Variants in TARDBP observed in about 807,000 individuals in gnomAD.
TARDBP encodes TAR DNA binding protein.
Under a neutral mutation model 38.3 loss-of-function variants are expected in TARDBP, and 4 were observed. The observed-to-expected ratio is 0.10, with a 90% CI of 0.05 to 0.24. TARDBP has a LOEUF of 0.24. TARDBP is among the 10% of genes least tolerant of loss of function. TARDBP has a pLI of 1.00. For synonymous variants in TARDBP, 184 were observed against 183.8 expected (o/e 1.00, Z -0.01); for missense variants, 202 against 521.9 (o/e 0.39, Z 5.97).
Position 11,023,212 on chromosome 1 carries a change from T to A in TARDBP, c.*558T>A, listed in dbSNP as rs1327849117. The A allele has an allele frequency of 2.6e-6, 4 of 1,550,500 alleles. No individual in the cohort carries two copies. The highest frequency in any genetic ancestry group is 3.5e-6 in the Non-Finnish European group (4 of 1,146,834). On this transcript the variant is annotated 3_prime_UTR_variant, in exon 6 of 6. Transcript: ENST00000240185. ...CTGCAGTTCATCTCATTTCAAATGT[T>A]TATGGAAGAAGCACTTCATTGAAAG...
In TARDBP at chr1:11,013,708, C is replaced by T; in HGVS notation, c.-12-8C>T. On this transcript the variant is annotated splice_polypyrimidine_tract_variant and splice_region_variant and intron_variant, in intron 1 of 5. Coordinates refer to ENST00000240185, the MANE Select transcript of TARDBP (RefSeq NM_007375.4). ...AATGTTGTTCATTCATATCTCTTTT[C>T]TCTTTAGGAAAAGTAAAAGATGTCT... 3.2e-6 allele frequency: 5 copies of T among 1,580,804 alleles called. No individual in the cohort carries two copies. The highest frequency in any genetic ancestry group is 2.3e-5 in the East Asian group (1 of 44,374).
Position 11,019,511 on chromosome 1 carries a change from A to G in TARDBP, c.543+638A>G, listed in dbSNP as rs556674567. On this transcript the variant is annotated intron_variant, in intron 4 of 5. Coordinates refer to ENST00000240185, the MANE Select transcript of TARDBP (RefSeq NM_007375.4). Reference sequence around the variant, plus strand: ...TGGCCTGGGAGCAATAGGCTATACCATCTAGCCTAGATGTGGGGTAGGCTA... The same window carrying G: ...TGGCCTGGGAGCAATAGGCTATACCGTCTAGCCTAGATGTGGGGTAGGCTA... Among the ~76,000 whole-genome samples, 7 of 152,240 alleles carry G rather than the reference A, an allele frequency of 4.6e-5. No homozygotes were observed. In the East Asian group the frequency reaches 9.6e-4, roughly 21 times the overall value.
rs1255337841 is a variant in TARDBP at position 11,023,252 on chromosome 1, T to C, written c.*598T>C. The C allele has an allele frequency of 3.9e-5, 61 of 1,550,378 alleles. No individual in the cohort carries two copies. The highest frequency in any genetic ancestry group is 5.0e-5 in the Non-Finnish European group (57 of 1,146,822). On this transcript the variant is annotated 3_prime_UTR_variant, in exon 6 of 6. Coordinates refer to ENST00000240185, the MANE Select transcript of TARDBP (RefSeq NM_007375.4). The stretch of plus-strand genomic sequence containing the variant: ...TTCATTGAAAGTAGTGCTGTAAATA[T>C]TCTGCCATAGGAATACTGTCTACAT...
At chr1:11,020,965 A>G (rs766516921) in intron 5 of TARDBP, among the ~76,000 whole-genome samples, 8 of 152,190 alleles carry the variant, frequency 5.3e-5, no homozygotes, top group African/African-American at 1.7e-4. Context: ...AACATTGCCC[A>G]TGCAGCTAAT....
At chr1:11,030,158 T>A (rs1643818717), downstream of TARDBP, 1 of 1,586,172 alleles carries the variant, frequency 6.3e-7, no homozygotes, top group Non-Finnish European at 8.7e-7. Flanking sequence ...CAGTCTCTTG[T>A]ATAAATGTAT....
At position 11,024,729 on chromosome 1, in the gene TARDBP, TGAATAAAATCGCTTA is replaced by T. The variant is rs947842616; in HGVS notation, c.*2076_*2090del. On this transcript the variant is annotated 3_prime_UTR_variant, in exon 6 of 6. Transcript: ENST00000240185. ...GGAATGTGGTAACATTGAATACAGT[TGAATAAAATCGCTTA>T]CAAAACTCACACTCTCACAATGCAT... 2 of 152,660 alleles carry T rather than the reference TGAATAAAATCGCTTA, an allele frequency of 1.3e-5. No individual in the cohort carries two copies. The highest frequency in any genetic ancestry group is 2.9e-5 in the Non-Finnish European group (2 of 68,074). 9.5% of individuals were successfully genotyped at this position (152,660 alleles called of 1,614,324 possible). A position where few individuals can be genotyped will look rare whatever the true frequency, so the allele number is the denominator to read the frequency against.
downstream of TARDBP, among the ~76,000 whole-genome samples, chr1:11,028,795 G>C (rs1643788946): frequency 6.8e-6 from 1 of 147,572 alleles, no homozygotes; most frequent in East Asian, 2.0e-4. Context: ...CTCACTGCAA[G>C]CTCTGCCTCC....
Position 11,022,226 on chromosome 1 carries a change from A to T in TARDBP, c.817A>T (p.Ser273Cys), listed in dbSNP as rs756083911. The T allele has an allele frequency of 6.2e-7, 1 of 1,614,006 alleles. No individual in the cohort carries two copies. The highest frequency in any genetic ancestry group is 8.5e-7 in the Non-Finnish European group (1 of 1,179,884). ...CAATAGCAATAGACAGTTAGAAAGA[A>T]GTGGAAGATTTGGTGGTAATCCAGG... ...KHNSNRQLER[S>C]GRFGGNPGGF... Residue 273 changes from serine to cysteine, a missense_variant, in exon 6 of 6, where the codon AGT becomes TGT. Around this residue, in one of 5 missense-constraint regions of TARDBP, gnomAD observed 107 missense variants for 190.5 expected, o/e 0.56. Transcript: ENST00000240185. This position sits in a 1 kb window ranked among gnomAD's most constrained non-coding sequence, Gnocchi z 4.5.
chr1:11,019,144 T>C (rs1643585594), intron 4 of TARDBP: 1 of 470,064 alleles, frequency 2.1e-6, no homozygotes. Context: ...GTCAAGTTAA[T>C]AGTTTCTTAC....
downstream of TARDBP, chr1:11,027,360 A>G: frequency 6.2e-7 from 1 of 1,614,234 alleles, no homozygotes; most frequent in Non-Finnish European, 8.5e-7. Flanking sequence ...GTCATTGTCA[A>G]AGCCAGCATC....
chr1:11,012,996 C>T (rs1257831017), intron 1 of TARDBP, among the ~76,000 whole-genome samples: 1 of 152,242 alleles, frequency 6.6e-6, no homozygotes, highest in Non-Finnish European at 1.5e-5. Flanking sequence ...CGGACCCGGA[C>T]AGTGCCGGAG....
downstream of TARDBP, chr1:11,026,279 G>A (rs1222976383): frequency 6.6e-6 from 1 of 152,264 alleles, no homozygotes; most frequent in Non-Finnish European, 1.5e-5. Context: ...TTGCCAAATA[G>A]TCCTTGGGAA....
chr1:11,022,931 C>G lies in TARDBP; in HGVS notation c.*277C>G. On this transcript the variant is annotated 3_prime_UTR_variant, in exon 6 of 6. Coordinates refer to ENST00000240185, the MANE Select transcript of TARDBP (RefSeq NM_007375.4). The surrounding 1 kb of genome is among the most constrained non-coding windows in gnomAD (Gnocchi z 4.5). Reference sequence around the variant, plus strand: ...TAAACCAACACACTACAATTGATATCAAAAGGTTTCTCCTGTAATATTTTA... The same window carrying G: ...TAAACCAACACACTACAATTGATATGAAAAGGTTTCTCCTGTAATATTTTA... The G allele has an allele frequency of 2.2e-6, 3 of 1,361,632 alleles. No homozygotes were observed. In the South Asian group the frequency reaches 6.0e-5, roughly 27 times the overall value. The allele number at this position is 1,361,632 out of a possible 1,614,324, so 84.3% of individuals were successfully genotyped here.
intron 4 of TARDBP, chr1:11,019,334 G>T (rs906459706): frequency 1.7e-5 from 5 of 301,306 alleles, no homozygotes; most frequent in African/African-American, 8.9e-5. Flanking sequence ...ACATGGCAAA[G>T]TTGATCAGTC....
chr1:11,016,404 A>T, intron 2 of TARDBP: 1 of 194,764 alleles, frequency 5.1e-6, no homozygotes, highest in South Asian at 8.7e-5. Flanking sequence ...CAGCCTCCTG[A>T]GTTGCTGGAA....
In TARDBP at chr1:11,022,925, T is replaced by C. The variant is rs1643669312; in HGVS notation, c.*271T>C. 2 of 1,365,932 alleles carry C rather than the reference T, an allele frequency of 1.5e-6. No individual in the cohort carries two copies. The highest frequency in any genetic ancestry group is 1.9e-6 in the Non-Finnish European group (2 of 1,060,708). 84.6% of individuals were successfully genotyped at this position (1,365,932 alleles called of 1,614,324 possible). ...GATTGGTAAACCAACACACTACAAT[T>C]GATATCAAAAGGTTTCTCCTGTAAT... On this transcript the variant is annotated 3_prime_UTR_variant, in exon 6 of 6. Coordinates refer to ENST00000240185, the MANE Select transcript of TARDBP (RefSeq NM_007375.4). This position sits in a 1 kb window ranked among gnomAD's most constrained non-coding sequence, Gnocchi z 4.5.
At chr1:11,017,149 C>A in intron 3 of TARDBP, 142 bp downstream of exon 3, 1 of 892,908 alleles carries the variant, frequency 1.1e-6, no homozygotes, top group Non-Finnish European at 1.8e-6. Context: ...TGTCCTCCTG[C>A]CTCGACCCCA....
chr1:11,013,319 C>G (rs1470271558), intron 1 of TARDBP, among the ~76,000 whole-genome samples: 2 of 152,226 alleles, frequency 1.3e-5, no homozygotes, highest in Non-Finnish European at 2.9e-5. Flanking sequence ...CCTATCACGC[C>G]CATGCCTCAG....
At chr1:11,030,249 A>G (rs747256550), downstream of TARDBP, 3 of 1,611,880 alleles carry the variant, frequency 1.9e-6, no homozygotes, top group East Asian at 2.2e-5. Flanking sequence ...ACACATATTT[A>G]CCTGCAAATC....
Sources: gnomAD v4.1 joint callset for allele counts (sites outside exome capture counted in the v4.1 genomes callset) on GRCh38, gnomAD v4.1.1 for gene constraint, gnomAD v4.1.1 regional missense constraint, Gnocchi (gnomAD v3.1) non-coding constraint, MANE v1.5 for transcripts, NCBI Gene and HGNC (gene_info 2026-07-23, HGNC 2026-07-21) for gene names.